The following MDGA2 variants were observed in gnomAD, a reference collection of about 807,000 sequenced individuals.
The protein encoded by MDGA2 is MAM domain containing glycosylphosphatidylinositol anchor 2, also known as MAM domain-containing glycosylphosphatidylinositol anchor protein 2.
A neutral mutation model predicts 117.8 loss-of-function variants in MDGA2; 40 were observed. The ratio of observed to expected loss-of-function variants is 0.34; its 90% CI spans 0.26 to 0.44. The LOEUF (loss-of-function observed/expected upper bound fraction) is 0.44. Among genes scored for constraint, MDGA2 ranks in the 20% least tolerant of loss-of-function variants. The probability of loss-of-function intolerance (pLI) is 1.00; values close to 1 mark genes in which losing one functional copy is unlikely to be tolerated. For synonymous variants in MDGA2, 452 were observed against 439.0 expected (o/e 1.03, Z -0.37); for missense variants, 1,123 against 1,250.6 (o/e 0.90, Z 1.54).
chr14:47,667,673 G>T, intron 1 of MDGA2, among the ~76,000 whole-genome samples: 1 of 152,164 alleles, frequency 6.6e-6, no homozygotes, highest in Admixed American at 6.5e-5. Flanking sequence ...ACCTCCTTCA[G>T]ATCTCAGCTG....
At chr14:47,593,616 C>G (rs1896482733) in intron 1 of MDGA2, among the ~76,000 whole-genome samples, 1 of 152,110 alleles carries the variant, frequency 6.6e-6, no homozygotes, top group South Asian at 2.1e-4. Flanking sequence ...TCTCAGCCAA[C>G]TACCACAGGA....
chr14:47,545,916 TG>T (rs1895453832), intron 1 of MDGA2, among the ~76,000 whole-genome samples: 1 of 152,132 alleles, frequency 6.6e-6, no homozygotes, highest in African/African-American at 2.4e-5. Context: ...ATGAACAGGT[TG>T]TATTTTAAGT....
At chr14:46,976,345 G>T (rs1696261766) in intron 8 of MDGA2, among the ~76,000 whole-genome samples, 4 of 152,008 alleles carry the variant, frequency 2.6e-5, no homozygotes, top group Admixed American at 2.0e-4. Flanking sequence ...CACTGTTACA[G>T]AAATTGAACC....
rs1370952496 is a variant in MDGA2, at chr14:47,608,173, G to A, written c.280+66344C>T. ...AACTCATGGTGGGAAAGATATCACT[G>A]AATGATGCATAGCATGTATCATTTC... On this transcript the variant is annotated intron_variant, in intron 1 of 16. Transcript: ENST00000399232. Among the ~76,000 whole-genome samples the A allele has an allele frequency of 5.3e-5, 8 of 152,090 alleles. No individual in the cohort carries two copies. The East Asian group carries it at 1.5e-3, about 29-fold the overall frequency.
intron 3 of MDGA2, among the ~76,000 whole-genome samples, chr14:47,215,343 T>C (rs1360625500): frequency 6.6e-6 from 1 of 152,154 alleles, no homozygotes; most frequent in African/African-American, 2.4e-5. Context: ...TTAAGGATTA[T>C]AATTCAATTT....
At chr14:47,552,148 T>G (rs1395755845) in intron 1 of MDGA2, among the ~76,000 whole-genome samples, 1 of 152,202 alleles carries the variant, frequency 6.6e-6, no homozygotes, top group Admixed American at 6.5e-5. Flanking sequence ...ACCCTATATA[T>G]TGTAGTTCTC....
At chr14:47,561,171 G>GTTTTTTTTTTTTTTTTTTTTTTTTTTTTT (rs1594918273) in intron 1 of MDGA2, among the ~76,000 whole-genome samples, 46 of 68,440 alleles carry the variant, frequency 6.7e-4, no homozygotes, top group Non-Finnish European at 1.1e-3. Context: ...TTGTTTTTTT[G>GTTTTTTTTTTTTTTTTTTTTTTTTTTTTT]TTTGTTTGTT....
rs1029222220 is a variant in MDGA2 at position 47,352,801 on chromosome 14, C to G, written c.281-51251G>C. 2.6e-5 allele frequency among the ~76,000 whole-genome samples: 4 copies of G among 152,114 alleles called. 1 individual carries two copies. The highest frequency in any genetic ancestry group is 9.7e-5 in the African/African-American group (4 of 41,430). ...ATTTCGAGAGCATTTGAGGAGGGGA[C>G]ATGCTTTACTTTACAATGCTTCATG... is the stretch of plus-strand genomic sequence containing the variant. On this transcript the variant is annotated intron_variant, in intron 1 of 16. Transcript: ENST00000399232.
intron 3 of MDGA2, among the ~76,000 whole-genome samples, chr14:47,202,735 A>C (rs1446500644): frequency 6.6e-6 from 1 of 152,186 alleles, no homozygotes; most frequent in Non-Finnish European, 1.5e-5. Context: ...TGAATTATAA[A>C]AATTTATACA....
At chr14:47,457,822 TTTG>T (rs1022619990) in intron 1 of MDGA2, among the ~76,000 whole-genome samples, 3 of 148,112 alleles carry the variant, frequency 2.0e-5, no homozygotes, top group South Asian at 2.1e-4. Context: ...GTTTTTTTTT[TTTG>T]TTTGTTTATT....
chr14:47,180,577 G>C (rs1040084048), intron 3 of MDGA2, among the ~76,000 whole-genome samples: 1 of 152,102 alleles, frequency 6.6e-6, no homozygotes, highest in African/African-American at 2.4e-5. Context: ...ACGAAAAAAA[G>C]CTCAACATCA....
intron 1 of MDGA2, among the ~76,000 whole-genome samples, chr14:47,364,554 G>A (rs906932913): frequency 6.6e-6 from 1 of 152,172 alleles, no homozygotes; most frequent in African/African-American, 2.4e-5. Context: ...GTGAGCCACC[G>A]CGCCGGCCCC....
At chr14:47,069,956 G>A (rs914370259) in intron 6 of MDGA2, among the ~76,000 whole-genome samples, 7 of 152,062 alleles carry the variant, frequency 4.6e-5, no homozygotes, top group Middle Eastern at 6.8e-3. Flanking sequence ...TTGACCTGGC[G>A]CATCTAACCA....
intron 2 of MDGA2, among the ~76,000 whole-genome samples, chr14:47,289,273 G>C (rs1486872774): frequency 6.9e-6 from 1 of 145,422 alleles, no homozygotes; most frequent in Non-Finnish European, 1.5e-5. Flanking sequence ...AATAGGGGTG[G>C]ATATAACAAA....
At chr14:47,330,313 T>C (rs1242489585) in intron 1 of MDGA2, among the ~76,000 whole-genome samples, 1 of 151,948 alleles carries the variant, frequency 6.6e-6, no homozygotes, top group Non-Finnish European at 1.5e-5. Context: ...TATATTAACC[T>C]ATAACAAAAT....
intron 1 of MDGA2, among the ~76,000 whole-genome samples, chr14:47,440,558 T>C (rs924899509): frequency 6.6e-6 from 1 of 152,108 alleles, no homozygotes; most frequent in Admixed American, 6.5e-5. Context: ...ATATAAACGC[T>C]TTTCCAGAGA....
intron 10 of MDGA2, 148 bp downstream of exon 10, chr14:46,919,864 G>T: frequency 1.6e-6 from 1 of 637,016 alleles, no homozygotes; most frequent in Non-Finnish European, 2.4e-6. Flanking sequence ...TACATAGGGT[G>T]AAAACATATC....
At chr14:47,106,552 G>C (rs1414697473) in intron 5 of MDGA2, among the ~76,000 whole-genome samples, 1 of 151,842 alleles carries the variant, frequency 6.6e-6, no homozygotes, top group Non-Finnish European at 1.5e-5. Context: ...CTGAAAATCG[G>C]ACTGTTCAAC....
intron 2 of MDGA2, among the ~76,000 whole-genome samples, chr14:47,265,141 T>C (rs963071998): frequency 2.7e-4 from 41 of 152,164 alleles, no homozygotes; most frequent in Non-Finnish European, 4.9e-4. Flanking sequence ...TGGCATTGAA[T>C]GCAGAGTTAG....
Sources: gnomAD v4.1 joint callset for allele counts (sites outside exome capture counted in the v4.1 genomes callset) on GRCh38, gnomAD v4.1.1 for gene constraint, MANE v1.5 for transcripts, NCBI Gene and HGNC (gene_info 2026-07-23, HGNC 2026-07-21) for gene names.